The following HMCN1 variants were observed in gnomAD, a reference collection of about 807,000 sequenced individuals.
HMCN1 encodes hemicentin-1.
HMCN1 carries 321 observed loss-of-function variants against 625.9 expected under a neutral mutation model. The observed-to-expected ratio is 0.51, with a 90% confidence interval of 0.47 to 0.56. The LOEUF (loss-of-function observed/expected upper bound fraction) is 0.56. HMCN1 is among the 20% of genes least tolerant of loss of function. HMCN1 has a pLI of 0.00. For synonymous variants in HMCN1, 2,425 were observed against 2,417.6 expected (o/e 1.00, Z -0.09); for missense variants, 6,588 against 6,887.3 (o/e 0.96, Z 1.54).
chr1:186,012,764 T>G (rs1654087149), intron 30 of HMCN1, among the ~76,000 whole-genome samples: 1 of 152,130 alleles, frequency 6.6e-6, no homozygotes, highest in Non-Finnish European at 1.5e-5. Context: ...GTGAAGAAAT[T>G]TGCTATGATA....
intron 4 of HMCN1, among the ~76,000 whole-genome samples, 182 bp from the exon 5 acceptor site, chr1:185,909,155 T>C (rs1005354619): frequency 9.9e-5 from 15 of 152,126 alleles, no homozygotes; most frequent in Admixed American, 7.9e-4. Context: ...ACCAGCATTT[T>C]GTTTTGAATG....
intron 1 of HMCN1, among the ~76,000 whole-genome samples, chr1:185,755,083 A>T (rs1159808568): frequency 2.6e-5 from 4 of 152,176 alleles, no homozygotes; most frequent in African/African-American, 9.7e-5. Context: ...CCTGGAATAT[A>T]TGTCTAAATT....
At chr1:186,038,432 T>C (rs1655981406) in intron 37 of HMCN1, among the ~76,000 whole-genome samples, 1 of 152,274 alleles carries the variant, frequency 6.6e-6, no homozygotes, top group African/African-American at 2.4e-5. Flanking sequence ...TGGTAGATTA[T>C]TCATATGAAT....
rs1166744373 is a variant in HMCN1 at position 185,734,932 on chromosome 1, T to C, written c.153T>C (p.Ser51=). ...CTTTTGTGTTTGATGTGACTGGTTCTATGTATGATGATTTAGTTCAGGTGA... is the reference window on the plus strand; with the variant it reads ...CTTTTGTGTTTGATGTGACTGGTTCCATGTATGATGATTTAGTTCAGGTGA... ...TLAFVFDVTG[S]MYDDLVQVIE... is the part of the protein sequence containing the mutation. The change falls in exon 1 of 107, where the codon TCT becomes TCC. Residue 51 remains serine (S), a synonymous_variant. Coordinates refer to ENST00000271588, the MANE Select transcript of HMCN1 (RefSeq NM_031935.3). 18 of 1,614,070 alleles carry C rather than the reference T, an allele frequency of 1.1e-5. No homozygotes were observed. Among genetic ancestry groups the C allele is most frequent in the Non-Finnish European group, 1.5e-5 (18 of 1,180,036 alleles).
intron 1 of HMCN1, among the ~76,000 whole-genome samples, chr1:185,772,086 C>T (rs1656278905): frequency 6.6e-6 from 1 of 152,056 alleles, no homozygotes; most frequent in South Asian, 2.1e-4. Flanking sequence ...AATGGCATGT[C>T]TTATTTGAGG....
chr1:186,147,908 G>T (rs1238882548), intron 93 of HMCN1, among the ~76,000 whole-genome samples: 3 of 152,164 alleles, frequency 2.0e-5, no homozygotes, highest in Admixed American at 6.5e-5. Flanking sequence ...GGTTAGGGTG[G>T]CTGTGGCAAT....
chr1:186,006,698 A>C (rs1294264854), intron 29 of HMCN1, among the ~76,000 whole-genome samples: 1 of 151,558 alleles, frequency 6.6e-6, no homozygotes, highest in African/African-American at 2.4e-5. Context: ...TTATAATGAT[A>C]TTATTTAAAA....
chr1:185,821,780 A>G (rs1660196415), intron 1 of HMCN1, among the ~76,000 whole-genome samples: 1 of 150,802 alleles, frequency 6.6e-6, no homozygotes, highest in African/African-American at 2.4e-5. Context: ...CCAAGGAGAA[A>G]GCTGGCATGG....
intron 49 of HMCN1, among the ~76,000 whole-genome samples, chr1:186,066,072 G>A (rs1658090377): frequency 6.6e-6 from 1 of 152,112 alleles, no homozygotes; most frequent in Admixed American, 6.6e-5. Context: ...ACCATAGATA[G>A]AAACTTCTCA....
chr1:186,010,144 A>G (rs754738350), intron 30 of HMCN1, among the ~76,000 whole-genome samples: 1 of 152,034 alleles, frequency 6.6e-6, no homozygotes, highest in Non-Finnish European at 1.5e-5. Context: ...CTCCTGCCCT[A>G]AATTGCATAA....
intron 1 of HMCN1, among the ~76,000 whole-genome samples, chr1:185,814,853 G>A (rs1004855256): frequency 4.0e-5 from 6 of 149,180 alleles, no homozygotes; most frequent in African/African-American, 7.7e-5. Context: ...CACCATGCCC[G>A]GCTAATTTTT....
chr1:186,055,270 T>A (rs1310434061), intron 44 of HMCN1, 123 bp from the exon 45 acceptor site: 6 of 920,972 alleles, frequency 6.5e-6, no homozygotes, highest in Non-Finnish European at 1.0e-5. Context: ...TCCTGGGTCT[T>A]TTCTTTAGTT....
chr1:185,924,751 T>C (rs1667187350), intron 8 of HMCN1, among the ~76,000 whole-genome samples: 1 of 152,160 alleles, frequency 6.6e-6, no homozygotes, highest in Admixed American at 6.5e-5. Context: ...GTTGCTTATT[T>C]GGTAGTATTT....
chr1:186,014,037 G>T (rs186521728), intron 30 of HMCN1, among the ~76,000 whole-genome samples: 100 of 152,196 alleles, frequency 6.6e-4, no homozygotes, highest in African/African-American at 2.2e-3. Flanking sequence ...ACTTTACAGT[G>T]GAGAAATATG....
intron 4 of HMCN1, among the ~76,000 whole-genome samples, chr1:185,867,040 C>G (rs1396439832): frequency 6.6e-6 from 1 of 152,014 alleles, no homozygotes; most frequent in Non-Finnish European, 1.5e-5. Flanking sequence ...CAGTAGTTCT[C>G]TTATAGCTAA....
At chr1:185,849,291 C>T (rs2102325631) in intron 2 of HMCN1, among the ~76,000 whole-genome samples, 1 of 152,242 alleles carries the variant, frequency 6.6e-6, no homozygotes, top group Middle Eastern at 3.4e-3. Context: ...TTCCACACTC[C>T]CTTAACCTAG....
At chr1:185,962,070 C>A (rs113839747) in intron 11 of HMCN1, among the ~76,000 whole-genome samples, 2 of 152,034 alleles carry the variant, frequency 1.3e-5, no homozygotes, top group Admixed American at 6.6e-5. Flanking sequence ...AAGTTATGAT[C>A]AAATAAATAA....
Position 186,052,987 on chromosome 1 carries a change from C to G in HMCN1, c.6613C>G (p.Gln2205Glu). ...PNIGGSDELT[Q>E]LTVIEGNLIS... The stretch of plus-strand genomic sequence containing the variant: ...TATTGGTGGTTCTGATGAACTTACT[C>G]AACTTACAGTCATTGAAGGGAATCT... Residue 2205 changes from glutamine to glutamate, a missense_variant, in exon 43 of 107, where the codon CAA becomes GAA. This residue lies in a region of HMCN1 where 4,628 missense variants were observed against 4,853.1 expected (regional missense o/e 0.95). Coordinates refer to ENST00000271588, the MANE Select transcript of HMCN1 (RefSeq NM_031935.3). The G allele has an allele frequency of 1.2e-6, 2 of 1,607,766 alleles. No homozygotes were observed. Among genetic ancestry groups the G allele is most frequent in the Non-Finnish European group, 1.7e-6 (2 of 1,174,966 alleles).
intron 86 of HMCN1, among the ~76,000 whole-genome samples, chr1:186,136,109 G>A (rs1649586957): frequency 6.6e-6 from 1 of 152,132 alleles, no homozygotes; most frequent in African/African-American, 2.4e-5. Flanking sequence ...CCTGGAGGGA[G>A]ATGTTGCAGT....
Sources: allele counts gnomAD v4.1 joint callset (sites outside exome capture counted in the v4.1 genomes callset), GRCh38; gene constraint gnomAD v4.1.1; regional missense constraint gnomAD v4.1.1; transcripts MANE v1.5; gene names NCBI Gene and HGNC (gene_info 2026-07-23, HGNC 2026-07-21).